Variants in PRLR observed in about 807,000 individuals in gnomAD.
The protein encoded by PRLR is hPRL receptor.
A neutral mutation model predicts 40.2 loss-of-function variants in PRLR; 13 were observed. The ratio of observed to expected loss-of-function variants is 0.32; its 90% CI spans 0.21 to 0.51. PRLR has a LOEUF of 0.51. Among genes scored for constraint, PRLR ranks in the 20% least tolerant of loss-of-function variants. The pLI is 0.97. For missense variants in PRLR, 656 were observed against 747.3 expected (o/e 0.88, Z 1.42); for synonymous variants, 269 against 278.7 (o/e 0.97, Z 0.35).
chr5:35,193,300 C>A (rs969592792), intron 1 of PRLR, among the ~76,000 whole-genome samples: 5 of 152,106 alleles, frequency 3.3e-5, no homozygotes, highest in African/African-American at 9.7e-5. Context: ...AAGTTCTTTC[C>A]CTTAGGTAAG....
At chr5:35,173,159 C>G (rs72734557) in intron 1 of PRLR, among the ~76,000 whole-genome samples, 14,460 of 152,238 alleles carry the variant, frequency 0.095, 906 homozygotes, top group Non-Finnish European at 0.12. Context: ...TCCTATCACT[C>G]TCCTCCCACT....
intron 1 of PRLR, among the ~76,000 whole-genome samples, chr5:35,164,408 G>C (rs923834244): frequency 1.3e-5 from 2 of 152,126 alleles, no homozygotes; most frequent in African/African-American, 4.8e-5. Context: ...ACCATGTAAA[G>C]CTTATACATA....
chr5:35,154,048 C>T (rs764281105), intron 1 of PRLR, among the ~76,000 whole-genome samples: 2 of 152,174 alleles, frequency 1.3e-5, no homozygotes, highest in African/African-American at 4.8e-5. Context: ...CCAGAGGATA[C>T]GTCAACACCT....
intron 1 of PRLR, among the ~76,000 whole-genome samples, chr5:35,216,176 T>C (rs1170682422): frequency 6.6e-6 from 1 of 152,192 alleles, no homozygotes; most frequent in Non-Finnish European, 1.5e-5. Context: ...AAGAAGCTAC[T>C]ATAAGGTGCT....
chr5:35,180,985 T>C (rs1775281708), intron 1 of PRLR, among the ~76,000 whole-genome samples: 1 of 152,178 alleles, frequency 6.6e-6, no homozygotes, highest in Non-Finnish European at 1.5e-5. Context: ...CAATTCAAGA[T>C]TGAAAGTGTT....
At chr5:35,167,079 T>C (rs562609612) in intron 1 of PRLR, among the ~76,000 whole-genome samples, 11 of 152,170 alleles carry the variant, frequency 7.2e-5, no homozygotes, top group African/African-American at 2.6e-4. Context: ...CTAGCTAAAA[T>C]GGAGTAGCTT....
At chr5:35,076,735 C>G (rs751253170) in intron 5 of PRLR, among the ~76,000 whole-genome samples, 1 of 152,072 alleles carries the variant, frequency 6.6e-6, no homozygotes, top group Non-Finnish European at 1.5e-5. Context: ...CTCCAAGACA[C>G]GTAATTGTCA....
intron 1 of PRLR, among the ~76,000 whole-genome samples, chr5:35,128,230 G>T (rs1054923163): frequency 2.0e-5 from 3 of 151,204 alleles, no homozygotes; most frequent in Non-Finnish European, 4.4e-5. Flanking sequence ...ATGGGGGATT[G>T]GTTCCACATA....
At chr5:35,219,513 T>C (rs1419228983) in intron 1 of PRLR, among the ~76,000 whole-genome samples, 2 of 152,216 alleles carry the variant, frequency 1.3e-5, no homozygotes, top group Non-Finnish European at 2.9e-5. Flanking sequence ...CTTGCGATTA[T>C]ATTAGCACTT....
chr5:35,146,003 T>C (rs1407569776), intron 1 of PRLR, among the ~76,000 whole-genome samples: 2 of 152,204 alleles, frequency 1.3e-5, no homozygotes, highest in African/African-American at 4.8e-5. Flanking sequence ...TATAGTTTCC[T>C]TAAGTCACTG....
chr5:35,205,501 T>C (rs1775993080), intron 1 of PRLR, among the ~76,000 whole-genome samples: 1 of 151,976 alleles, frequency 6.6e-6, no homozygotes, highest in African/African-American at 2.4e-5. Context: ...CTCTGCCAAA[T>C]AGAACCATTT....
In PRLR at chr5:35,056,563, A is replaced by C. The variant is rs1768730962; in HGVS notation, c.*8526T>G. On this transcript the variant is annotated 3_prime_UTR_variant, in exon 10 of 10. Transcript: ENST00000618457. ...AGTTGTAGGAAACCTGACAAAGTTA[A>C]GGTGTCAGATGGGATTCTGGCAAGA... The C allele has an allele frequency of 6.6e-6, 1 of 152,204 alleles. No homozygotes were observed. The highest frequency in any genetic ancestry group is 1.5e-5 in the Non-Finnish European group (1 of 68,028). The allele number at this position is 152,204 out of a possible 1,614,324, so 9.4% of individuals were successfully genotyped here. A position where few individuals can be genotyped will look rare whatever the true frequency, so the allele number is the denominator to read the frequency against.
chr5:35,084,695 T>C, intron 4 of PRLR, 56 bp from the exon 5 acceptor site: 1 of 1,532,056 alleles, frequency 6.5e-7, no homozygotes, highest in Non-Finnish European at 8.9e-7. Context: ...GAGTCTAGTT[T>C]TTTTCTTCAT....
At chr5:35,176,446 G>C (rs902485712) in intron 1 of PRLR, among the ~76,000 whole-genome samples, 1 of 152,104 alleles carries the variant, frequency 6.6e-6, no homozygotes, top group Non-Finnish European at 1.5e-5. Flanking sequence ...AGTAGACATA[G>C]GAGACTCCAT....
intron 1 of PRLR, among the ~76,000 whole-genome samples, chr5:35,136,820 C>T (rs749288124): frequency 1.3e-5 from 2 of 152,248 alleles, no homozygotes; most frequent in South Asian, 2.1e-4. Context: ...CTAAGCTCCA[C>T]CCCCAGTTTC....
At chr5:35,114,165 A>G (rs1245394576) in intron 2 of PRLR, among the ~76,000 whole-genome samples, 1 of 152,190 alleles carries the variant, frequency 6.6e-6, no homozygotes, top group Non-Finnish European at 1.5e-5. Flanking sequence ...GAGCTGACAC[A>G]TTTAGGGACT....
intron 1 of PRLR, among the ~76,000 whole-genome samples, chr5:35,200,708 T>A (rs1263993760): frequency 1.3e-5 from 2 of 152,142 alleles, no homozygotes; most frequent in Non-Finnish European, 2.9e-5. Flanking sequence ...AATGGTACCA[T>A]GTCTTTATAT....
chr5:35,146,504 G>T (rs1774185682), intron 1 of PRLR, among the ~76,000 whole-genome samples: 1 of 152,162 alleles, frequency 6.6e-6, no homozygotes, highest in Admixed American at 6.5e-5. Context: ...TACATGGGTG[G>T]CTGCCTTACT....
exon 9 of PRLR, chr5:35,049,388 C>T (rs1198294756): frequency 1.0e-5 from 7 of 702,850 alleles, no homozygotes; most frequent in Non-Finnish European, 1.8e-5. Context: ...TAATGAGAGG[C>T]ACCCAACATC....
Sources: allele counts gnomAD v4.1 joint callset (sites outside exome capture counted in the v4.1 genomes callset), GRCh38; gene constraint gnomAD v4.1.1; transcripts MANE v1.5; gene names NCBI Gene and HGNC (gene_info 2026-07-23, HGNC 2026-07-21).